The following FRMD4A variants were observed in gnomAD, a reference collection of about 807,000 sequenced individuals.
The protein encoded by FRMD4A is FERM domain containing 4A.
FRMD4A carries 29 observed loss-of-function variants against 129.1 expected under a neutral mutation model. The ratio of observed to expected loss-of-function variants is 0.22; its 90% CI spans 0.17 to 0.31. The LOEUF (loss-of-function observed/expected upper bound fraction) is 0.31. Ranked by LOEUF, FRMD4A falls within the 10% of genes least tolerant of loss-of-function variation. The pLI is 1.00. For missense variants in FRMD4A, 1,272 were observed against 1,375.8 expected (o/e 0.92, Z 1.19); for synonymous variants, 634 against 571.6 (o/e 1.11, Z -1.56).
At chr10:13,671,716 T>C (rs992638370) in intron 16 of FRMD4A, among the ~76,000 whole-genome samples, 1 of 152,208 alleles carries the variant, frequency 6.6e-6, no homozygotes, top group African/African-American at 2.4e-5. Context: ...TCAGAGTCAG[T>C]GGCTGCCCCA....
At chr10:13,733,462 T>C (rs117709204) in intron 12 of FRMD4A, among the ~76,000 whole-genome samples, 1,883 of 151,728 alleles carry the variant, frequency 0.012, 69 homozygotes, top group South Asian at 0.11. Context: ...GGAGATGGAG[T>C]CTCGCTCTGG....
At chr10:14,038,741 A>T (rs895123599) in intron 2 of FRMD4A, among the ~76,000 whole-genome samples, 16 of 152,236 alleles carry the variant, frequency 1.1e-4, no homozygotes, top group African/African-American at 3.9e-4. Flanking sequence ...AACTACCCCA[A>T]GTAAGGCTGA....
intron 8 of FRMD4A, among the ~76,000 whole-genome samples, chr10:13,750,934 G>GA (rs1478211197): frequency 6.6e-6 from 1 of 152,208 alleles, no homozygotes; most frequent in Admixed American, 6.5e-5. Context: ...CCACACTGAT[G>GA]AATTTCCGGA....
At chr10:14,275,706 C>T (rs138261438) in intron 2 of FRMD4A, among the ~76,000 whole-genome samples, 2 of 152,132 alleles carry the variant, frequency 1.3e-5, no homozygotes, top group South Asian at 4.2e-4. Flanking sequence ...AAGCGTTAAG[C>T]CTTTTTTCTC....
intron 2 of FRMD4A, among the ~76,000 whole-genome samples, chr10:13,926,626 C>G (rs1269000132): frequency 6.6e-6 from 1 of 152,178 alleles, no homozygotes; most frequent in Non-Finnish European, 1.5e-5. Context: ...GCTGTTGAAA[C>G]AGAGTTTTGA....
intron 2 of FRMD4A, among the ~76,000 whole-genome samples, chr10:14,145,985 TA>T (rs1840055042): frequency 6.6e-6 from 1 of 152,230 alleles, no homozygotes; most frequent in South Asian, 2.1e-4. Context: ...AACATTTTCC[TA>T]ACAATATCAC....
intron 2 of FRMD4A, among the ~76,000 whole-genome samples, chr10:14,258,279 A>T (rs1844684695): frequency 6.6e-6 from 1 of 151,244 alleles, no homozygotes; most frequent in Admixed American, 6.6e-5. Context: ...ACAGACTGGG[A>T]GAAAATATTT....
intron 3 of FRMD4A, among the ~76,000 whole-genome samples, chr10:13,822,606 T>C (rs1422631262): frequency 6.6e-6 from 1 of 152,088 alleles, no homozygotes; most frequent in East Asian, 1.9e-4. Flanking sequence ...TTGAGCTGGT[T>C]TGAAGGAGAG....
chr10:13,772,133 T>G (rs1221244447), intron 6 of FRMD4A, among the ~76,000 whole-genome samples: 1 of 144,522 alleles, frequency 6.9e-6, no homozygotes, highest in African/African-American at 2.5e-5. Flanking sequence ...ATATATATAT[T>G]ATATAATATA....
At chr10:14,014,991 T>TCATCCTTTCTTC (rs2095693809) in intron 2 of FRMD4A, among the ~76,000 whole-genome samples, 4 of 133,256 alleles carry the variant, frequency 3.0e-5, no homozygotes, top group East Asian at 2.3e-4. Context: ...TTTCATCCTT[T>TCATCCTTTCTTC]CTTATCTCCT....
At chr10:13,804,584 G>A (rs188639319) in intron 4 of FRMD4A, among the ~76,000 whole-genome samples, 53 of 137,140 alleles carry the variant, frequency 3.9e-4, no homozygotes, top group African/African-American at 1.1e-3. Flanking sequence ...TCGCTCTGTC[G>A]CCAGGCTGGA....
At chr10:13,859,560 G>A (rs748119842) in intron 2 of FRMD4A, among the ~76,000 whole-genome samples, 1 of 152,110 alleles carries the variant, frequency 6.6e-6, no homozygotes, top group Non-Finnish European at 1.5e-5. Context: ...GGTGGTGGGT[G>A]TTGTTCATTC....
intron 2 of FRMD4A, among the ~76,000 whole-genome samples, chr10:13,919,828 T>C (rs887662639): frequency 8.6e-5 from 13 of 151,952 alleles, no homozygotes; most frequent in Non-Finnish European, 1.5e-4. Context: ...ATCCCAGCCA[T>C]TCGGGAGGCT....
At chr10:14,203,655 T>C (rs1842702574) in intron 2 of FRMD4A, among the ~76,000 whole-genome samples, 1 of 152,234 alleles carries the variant, frequency 6.6e-6, no homozygotes, top group Non-Finnish European at 1.5e-5. Context: ...GGGGGTCACC[T>C]TGTTTGTCAT....
chr10:14,130,830 G>A (rs551043810), intron 2 of FRMD4A, among the ~76,000 whole-genome samples: 11 of 152,226 alleles, frequency 7.2e-5, no homozygotes, highest in East Asian at 1.9e-4. Flanking sequence ...TCAAAACTCC[G>A]TAGCCCCTGG....
intron 4 of FRMD4A, among the ~76,000 whole-genome samples, chr10:13,797,594 G>A (rs2093149083): frequency 6.6e-6 from 1 of 152,174 alleles, no homozygotes; most frequent in South Asian, 2.1e-4. Context: ...CAACCAAGCT[G>A]AAGAATCCTC....
intron 3 of FRMD4A, among the ~76,000 whole-genome samples, chr10:13,851,958 C>T (rs1413658512): frequency 1.3e-5 from 2 of 151,098 alleles, no homozygotes; most frequent in African/African-American, 4.9e-5. Context: ...CATGTGGGAC[C>T]ATCTAGTTGC....
At chr10:13,702,483 A>G (rs1162218032) in intron 13 of FRMD4A, among the ~76,000 whole-genome samples, 1 of 152,152 alleles carries the variant, frequency 6.6e-6, no homozygotes, top group Admixed American at 6.6e-5. Flanking sequence ...TTAGTGAAGT[A>G]TATTTTATAG....
chr10:14,101,789 C>A (rs1837318850), intron 2 of FRMD4A, among the ~76,000 whole-genome samples: 1 of 151,900 alleles, frequency 6.6e-6, no homozygotes, highest in African/African-American at 2.4e-5. Flanking sequence ...CACATCTCTC[C>A]TTCTGAATAA....
Sources: allele counts gnomAD v4.1 joint callset (sites outside exome capture counted in the v4.1 genomes callset), GRCh38; gene constraint gnomAD v4.1.1; transcripts MANE v1.5; gene names NCBI Gene and HGNC (gene_info 2026-07-23, HGNC 2026-07-21).